SMAP1: variants seen among roughly 807,000 people sequenced by gnomAD.
SMAP1 encodes the protein stromal membrane-associated protein 1.
SMAP1 carries 24 observed loss-of-function variants against 58.5 expected under a neutral mutation model. The ratio of observed to expected loss-of-function variants is 0.41; its 90% confidence interval spans 0.30 to 0.58. SMAP1 has a LOEUF of 0.58. Ranked by LOEUF, SMAP1 falls within the 20% of genes least tolerant of loss-of-function variation. The pLI, the probability that SMAP1 is intolerant of heterozygous loss-of-function variation, is 0.29. For missense variants in SMAP1, 563 were observed against 566.3 expected (o/e 0.99, Z 0.06); for synonymous variants, 216 against 196.6 (o/e 1.10, Z -0.82).
chr6:70,809,746 C>T (rs1427763841), intron 6 of SMAP1, among the ~76,000 whole-genome samples: 1 of 152,158 alleles, frequency 6.6e-6, no homozygotes, highest in Non-Finnish European at 1.5e-5. Context: ...CAGCAGATGT[C>T]TCACAGAACA....
At chr6:70,814,778 C>T (rs1209558835) in intron 6 of SMAP1, among the ~76,000 whole-genome samples, 1 of 152,118 alleles carries the variant, frequency 6.6e-6, no homozygotes, top group Non-Finnish European at 1.5e-5. Flanking sequence ...TTTGGTCTGA[C>T]AGTTTGTTCT....
At chr6:70,790,455 A>T (rs1306414237) in intron 4 of SMAP1, among the ~76,000 whole-genome samples, 1 of 152,220 alleles carries the variant, frequency 6.6e-6, no homozygotes, top group Non-Finnish European at 1.5e-5. Flanking sequence ...TCTAGCAAGT[A>T]AATATCCAAT....
chr6:70,825,180 A>G (rs1770062484), intron 6 of SMAP1, among the ~76,000 whole-genome samples: 1 of 152,178 alleles, frequency 6.6e-6, no homozygotes, highest in Non-Finnish European at 1.5e-5. Flanking sequence ...TACAAAATAG[A>G]TATTCAAAGA....
At chr6:70,682,881 T>C (rs543132511) in intron 1 of SMAP1, among the ~76,000 whole-genome samples, 56 of 152,098 alleles carry the variant, frequency 3.7e-4, no homozygotes, top group African/African-American at 1.3e-3. Flanking sequence ...CTACTAAAAA[T>C]ACAAAAATTA....
At chr6:70,792,836 C>T (rs981318987) in intron 5 of SMAP1, among the ~76,000 whole-genome samples, 2 of 151,870 alleles carry the variant, frequency 1.3e-5, no homozygotes, top group African/African-American at 2.4e-5. Flanking sequence ...GAGTTTTAAG[C>T]GTTGGGGGGT....
intron 2 of SMAP1, among the ~76,000 whole-genome samples, chr6:70,749,248 C>T (rs557732283): frequency 3.3e-5 from 5 of 152,126 alleles, no homozygotes; most frequent in East Asian, 1.9e-4. Context: ...CCCTCACTAT[C>T]GTGAGAACAG....
chr6:70,689,151 G>T (rs1029207961), intron 1 of SMAP1, among the ~76,000 whole-genome samples: 1 of 152,032 alleles, frequency 6.6e-6, no homozygotes, highest in African/African-American at 2.4e-5. Context: ...TGGGATTACA[G>T]GTGTGCGCCA....
intron 6 of SMAP1, among the ~76,000 whole-genome samples, chr6:70,828,389 G>A (rs1159201906): frequency 1.3e-5 from 2 of 152,170 alleles, no homozygotes; most frequent in Non-Finnish European, 2.9e-5. Context: ...TGGGAATTAT[G>A]TGTTGTTGAG....
intron 4 of SMAP1, among the ~76,000 whole-genome samples, chr6:70,783,891 C>T (rs1767881313): frequency 1.3e-5 from 2 of 152,276 alleles, no homozygotes; most frequent in South Asian, 4.1e-4. Context: ...GGATATTATC[C>T]AGGAGAACTT....
At position 70,798,580 on chromosome 6, in the gene SMAP1, T is replaced by G. The variant is rs1582209872; in HGVS notation, c.496-77T>G. The G allele has an allele frequency of 2.4e-5, 26 of 1,105,698 alleles. No individual in the cohort carries two copies. The South Asian group carries it at 3.9e-4, about 16-fold the overall frequency. 68.5% of individuals were successfully genotyped at this position (1,105,698 alleles called of 1,614,324 possible). Reference sequence around the variant, plus strand: ...ATTTCTACCTTTTTCAGATGATTACTCAAACTAATAAGGATGAGTCAAAAA... The same window carrying G: ...ATTTCTACCTTTTTCAGATGATTACGCAAACTAATAAGGATGAGTCAAAAA... On this transcript the variant is annotated intron_variant, in intron 5 of 10. Transcript: ENST00000370455.
chr6:70,741,197 G>C (rs891492033), intron 2 of SMAP1, among the ~76,000 whole-genome samples: 1 of 152,044 alleles, frequency 6.6e-6, no homozygotes, highest in African/African-American at 2.4e-5. Context: ...ACTCATTTCA[G>C]CATTAACTCA....
chr6:70,745,464 A>G (rs1323374572), intron 2 of SMAP1, among the ~76,000 whole-genome samples: 1 of 152,074 alleles, frequency 6.6e-6, no homozygotes, highest in Admixed American at 6.6e-5. Flanking sequence ...TGTCAGGTTT[A>G]TCAAATATCA....
At chr6:70,787,998 C>G (rs1768143236) in intron 4 of SMAP1, among the ~76,000 whole-genome samples, 1 of 152,062 alleles carries the variant, frequency 6.6e-6, no homozygotes, top group African/African-American at 2.4e-5. Flanking sequence ...GACACGTGCC[C>G]ACGTATGTTT....
chr6:70,744,940 T>C (rs887377303), intron 2 of SMAP1, among the ~76,000 whole-genome samples: 1 of 152,276 alleles, frequency 6.6e-6, no homozygotes, highest in African/African-American at 2.4e-5. Context: ...TGAGCATTTT[T>C]TCATGTGTCT....
In SMAP1 at chr6:70,668,159, G is replaced by GC; in HGVS notation, c.118+19dup. 6.3e-7 allele frequency: 1 copy of GC among 1,587,018 alleles called. No individual in the cohort carries two copies. The highest frequency in any genetic ancestry group is 1.1e-5 in the South Asian group (1 of 88,584). On this transcript the variant is annotated intron_variant, in intron 1 of 10. Transcript: ENST00000370455. ...GGCCAAAGGTAGCTTGGACGTCGTC[G>GC]CTGCCCACGGTCGGGGCCTCTTGCG...
chr6:70,745,276 A>G (rs540654134), intron 2 of SMAP1, among the ~76,000 whole-genome samples: 3 of 152,210 alleles, frequency 2.0e-5, no homozygotes, highest in African/African-American at 4.8e-5. Flanking sequence ...GGTATTGCCT[A>G]CGTTTTCTTA....
intron 2 of SMAP1, among the ~76,000 whole-genome samples, chr6:70,750,382 G>C (rs1766226848): frequency 6.6e-6 from 1 of 152,066 alleles, no homozygotes; most frequent in Non-Finnish European, 1.5e-5. Context: ...TCTTAAATTA[G>C]ACAAATGTGA....
At chr6:70,743,586 G>A (rs770154189) in intron 2 of SMAP1, among the ~76,000 whole-genome samples, 1 of 152,094 alleles carries the variant, frequency 6.6e-6, no homozygotes, top group African/African-American at 2.4e-5. Flanking sequence ...ACAATTCTTG[G>A]TATACATTTA....
intron 6 of SMAP1, among the ~76,000 whole-genome samples, chr6:70,826,347 G>T (rs1363026284): frequency 6.6e-6 from 1 of 152,098 alleles, no homozygotes; most frequent in East Asian, 1.9e-4. Context: ...GATTATGAAT[G>T]CTGTATCATT....
Sources: allele counts gnomAD v4.1 joint callset (sites outside exome capture counted in the v4.1 genomes callset), GRCh38; gene constraint gnomAD v4.1.1; transcripts MANE v1.5; gene names NCBI Gene and HGNC (gene_info 2026-07-23, HGNC 2026-07-21).